Variants in MYO18B observed in about 807,000 individuals in gnomAD.
MYO18B encodes myosin XVIIIB.
Under a neutral mutation model 273.0 loss-of-function variants are expected in MYO18B, and 204 were observed. That is an observed-to-expected ratio of 0.75 (90% CI 0.67 to 0.84). The LOEUF is 0.84. MYO18B is among the 40% of genes least tolerant of loss of function. The pLI is 0.00. For missense variants in MYO18B, 3,212 were observed against 3,287.6 expected (o/e 0.98, Z 0.56); for synonymous variants, 1,330 against 1,305.7 (o/e 1.02, Z -0.40).
chr22:26,032,966 ATTCATACAGAATAATT>A (rs1253136325), downstream of MYO18B, among the ~76,000 whole-genome samples: 2 of 152,192 alleles, frequency 1.3e-5, no homozygotes, highest in African/African-American at 4.8e-5. Flanking sequence ...TTAATTTATT[ATTCATACAGAATAATT>A]TTCATACAGA....
chr22:25,952,949 C>A (rs1312944288), intron 38 of MYO18B, among the ~76,000 whole-genome samples: 5 of 152,134 alleles, frequency 3.3e-5, no homozygotes, highest in Admixed American at 6.5e-5. Context: ...TCTTTGTAAG[C>A]AATGTGGGTA....
intron 21 of MYO18B, among the ~76,000 whole-genome samples, chr22:25,854,125 A>G (rs1454944925): frequency 6.6e-6 from 1 of 152,206 alleles, no homozygotes; most frequent in East Asian, 1.9e-4. Flanking sequence ...GTCAGGGTGT[A>G]AAATGGGTCT....
At position 26,027,636 on chromosome 22, in the gene MYO18B, C is replaced by T. The variant is rs780180192; in HGVS notation, c.7662C>T (p.Asp2554=). 81 of 1,613,520 alleles carry T rather than the reference C, an allele frequency of 5.0e-5. No individual in the cohort carries two copies. The East Asian group carries it at 1.2e-3, about 25-fold the overall frequency. The change falls in exon 43 of 44, where the codon GAC becomes GAT. Residue 2554 remains aspartate, a synonymous_variant. Coordinates refer to ENST00000335473, the MANE Select transcript of MYO18B (RefSeq NM_032608.7). The surrounding 1 kb of genome is among the most constrained non-coding windows in gnomAD (Gnocchi z 4.1). ...ERREPGTGRK[D]DDVASIMKKY... is the part of the protein sequence containing the mutation. ...GAGAGCCAGGGACGGGGAGGAAAGA[C>T]GACGATGTTGCGAGCATAATGAAGA...
At chr22:25,792,083 C>A (rs1252382847) in intron 11 of MYO18B, among the ~76,000 whole-genome samples, 3 of 152,186 alleles carry the variant, frequency 2.0e-5, no homozygotes, top group Non-Finnish European at 2.9e-5. Context: ...GTCACTTCTC[C>A]CAGCCTCAGT....
intron 10 of MYO18B, among the ~76,000 whole-genome samples, chr22:25,784,305 T>C (rs1364064247): frequency 6.6e-6 from 1 of 152,204 alleles, no homozygotes; most frequent in African/African-American, 2.4e-5. Context: ...TTCCAGTGAA[T>C]GGAAGAGAGT....
At chr22:25,803,226 G>T in intron 12 of MYO18B, among the ~76,000 whole-genome samples, 1 of 152,078 alleles carries the variant, frequency 6.6e-6, no homozygotes, top group East Asian at 1.9e-4. Context: ...GCCTCCCAAA[G>T]TGCTGGGATT....
chr22:25,763,044 T>C (rs760634241), intron 2 of MYO18B, 187 bp from the exon 3 acceptor site: 3 of 767,744 alleles, frequency 3.9e-6, no homozygotes, highest in Admixed American at 3.4e-5. Flanking sequence ...TCCATTTTCA[T>C]GCGCTGTCTC....
chr22:25,742,678 G>C (rs2085662382), intron 1 of MYO18B, among the ~76,000 whole-genome samples: 1 of 152,174 alleles, frequency 6.6e-6, no homozygotes, highest in Non-Finnish European at 1.5e-5. Context: ...AGTAATTTCT[G>C]CTTCACTGGT....
At chr22:25,956,226 T>C (rs948477836) in intron 39 of MYO18B, among the ~76,000 whole-genome samples, 1 of 151,996 alleles carries the variant, frequency 6.6e-6, no homozygotes, top group Non-Finnish European at 1.5e-5. Context: ...TTTTTTTTTT[T>C]TTCCCTGGAG....
chr22:25,868,312 T>G lies in MYO18B; in HGVS notation c.3886-8T>G. On this transcript the variant is annotated splice_region_variant and splice_polypyrimidine_tract_variant and intron_variant, in intron 21 of 43. Transcript: ENST00000335473. The stretch of plus-strand genomic sequence containing the variant: ...TGCTGTCTAACTTCTCTCTAATTTT[T>G]TCCCCAGGCCGTGGAGGAGCTCCTG... 1.3e-6 allele frequency: 2 copies of G among 1,596,184 alleles called. No individual in the cohort carries two copies. The highest frequency in any genetic ancestry group is 1.7e-6 in the Non-Finnish European group (2 of 1,171,150).
chr22:25,955,782 A>G (rs1474331882), intron 39 of MYO18B, among the ~76,000 whole-genome samples: 1 of 152,176 alleles, frequency 6.6e-6, no homozygotes, highest in Non-Finnish European at 1.5e-5. Flanking sequence ...GTGAAGTCAG[A>G]ATTATTGCCC....
intron 11 of MYO18B, among the ~76,000 whole-genome samples, chr22:25,797,076 A>G (rs1227760378): frequency 2.0e-5 from 3 of 152,094 alleles, no homozygotes; most frequent in African/African-American, 7.2e-5. Flanking sequence ...AAACTATGAA[A>G]ATTAGCTGGG....
In MYO18B at chr22:25,948,043, C is replaced by T. The variant is rs546935935; in HGVS notation, c.5748+215C>T. 9.2e-5 allele frequency among the ~76,000 whole-genome samples: 14 copies of T among 152,280 alleles called. No homozygotes were observed. In the South Asian group the frequency reaches 2.5e-3, roughly 27 times the overall value. ...GTGCATCTCTGGAGGACGTGTCCACCATGAAAGATTTGGACTTATTCATGC... is the reference window on the plus strand; with the variant it reads ...GTGCATCTCTGGAGGACGTGTCCACTATGAAAGATTTGGACTTATTCATGC... On this transcript the variant is annotated intron_variant, in intron 36 of 43. Transcript: ENST00000335473.
At position 25,769,123 on chromosome 22, in the gene MYO18B, G is replaced by A. The variant is rs774901340; in HGVS notation, c.1207G>A (p.Gly403Arg). ...GATGGGGCAACCCCAGGGTAAGTCC[G>A]GGAACGCAGGTGAAGCTCGGAGTCA... ...EKMGQPQGKS[G>R]NAGEARSQTE... is the part of the protein sequence containing the mutation. Residue 403 changes from glycine (G) to arginine (R), a missense_variant, in exon 4 of 44, where the codon GGG becomes AGG. Gly to Arg is a moderately radical substitution (Grantham distance 125). Coordinates refer to ENST00000335473, the MANE Select transcript of MYO18B (RefSeq NM_032608.7). The A allele has an allele frequency of 5.0e-6, 8 of 1,613,550 alleles. No homozygotes were observed. The highest frequency in any genetic ancestry group is 5.9e-6 in the Non-Finnish European group (7 of 1,179,728).
chr22:25,786,506 A>T (rs2145692063), intron 11 of MYO18B, among the ~76,000 whole-genome samples: 1 of 151,768 alleles, frequency 6.6e-6, no homozygotes, highest in African/African-American at 2.4e-5. Context: ...AAAAAAAAAA[A>T]TCCATATTTC....
At chr22:25,951,482 TC>T (rs953978293) in intron 37 of MYO18B, among the ~76,000 whole-genome samples, 1 of 152,204 alleles carries the variant, frequency 6.6e-6, no homozygotes, top group African/African-American at 2.4e-5. Context: ...GCACTGAGAT[TC>T]AGCCATTCAG....
chr22:25,750,577 T>A (rs1465098959), intron 1 of MYO18B, among the ~76,000 whole-genome samples: 1 of 152,182 alleles, frequency 6.6e-6, no homozygotes, highest in Non-Finnish European at 1.5e-5. Flanking sequence ...GGCCAACCCC[T>A]CTGCCTGCCT....
intron 12 of MYO18B, among the ~76,000 whole-genome samples, chr22:25,812,638 C>T (rs1364998562): frequency 3.3e-5 from 5 of 152,208 alleles, no homozygotes; most frequent in African/African-American, 9.6e-5. Flanking sequence ...CAAGCAAGTT[C>T]AGCCTCCCAT....
the MYO18B span, among the ~76,000 whole-genome samples, chr22:26,055,118 C>T: frequency 2.6e-5 from 4 of 152,160 alleles, no homozygotes; most frequent in Non-Finnish European, 5.9e-5. Flanking sequence ...TTATTATTAT[C>T]TGCAGCTTCA....
Sources: gnomAD v4.1 joint callset for allele counts (sites outside exome capture counted in the v4.1 genomes callset) on GRCh38, gnomAD v4.1.1 for gene constraint, Gnocchi (gnomAD v3.1) non-coding constraint, MANE v1.5 for transcripts, NCBI Gene and HGNC (gene_info 2026-07-23, HGNC 2026-07-21) for gene names.